Variants in ZNF44 observed in about 807,000 individuals in gnomAD.
ZNF44 encodes the protein gonadotropin inducible transcription repressor-2.
Under a neutral mutation model 11.7 loss-of-function variants are expected in ZNF44, and 9 were observed. The ratio of observed to expected loss-of-function variants is 0.77; its 90% CI spans 0.46 to 1.35. The LOEUF is 1.35. Ranked by LOEUF, ZNF44 falls within the 40% of genes most tolerant of loss-of-function variation. ZNF44 has a pLI of 0.00. For synonymous variants in ZNF44, 224 were observed against 242.7 expected (o/e 0.92, Z 0.72); for missense variants, 696 against 743.1 (o/e 0.94, Z 0.74).
chr19:12,294,222 T>C (rs1444165695), intron 1 of ZNF44, among the ~76,000 whole-genome samples: 1 of 152,060 alleles, frequency 6.6e-6, no homozygotes, highest in Admixed American at 6.6e-5. Flanking sequence ...GATTCACCCC[T>C]CACTTCTCCA....
chr19:12,239,070 C>T (rs997573071), upstream of ZNF44, among the ~76,000 whole-genome samples: 1 of 152,116 alleles, frequency 6.6e-6, no homozygotes, highest in Non-Finnish European at 1.5e-5. Flanking sequence ...AATCATAAAC[C>T]CATTCTCCAG....
chr19:12,274,199 T>A, intron 3 of ZNF44, 136 bp from the exon 4 acceptor site: 1 of 700,616 alleles, frequency 1.4e-6, no homozygotes, highest in East Asian at 2.7e-5. Context: ...ATGGACTGAA[T>A]GTTGTGCAAG....
intron 2 of ZNF44, 125 bp downstream of exon 2, chr19:12,275,831 C>T: frequency 7.8e-7 from 1 of 1,285,994 alleles, no homozygotes; most frequent in South Asian, 1.4e-5. Context: ...GGGCCTGGCA[C>T]TTCACCCTGT....
intron 1 of ZNF44, among the ~76,000 whole-genome samples, chr19:12,276,976 T>C (rs1967254331): frequency 6.6e-6 from 1 of 152,256 alleles, no homozygotes; most frequent in East Asian, 1.9e-4. Context: ...CACTTTGACC[T>C]TACTTGATCT....
intron 1 of ZNF44, among the ~76,000 whole-genome samples, chr19:12,292,490 A>T (rs1261521057): frequency 6.6e-6 from 1 of 152,130 alleles, no homozygotes; most frequent in Non-Finnish European, 1.5e-5. Context: ...AAATCTTTTC[A>T]GGGTAACTAA....
chr19:12,255,091 AACACACACACACACACACACACACACAC>A (rs140940065), intron 5 of ZNF44, among the ~76,000 whole-genome samples: 21,531 of 145,722 alleles, frequency 0.15, 2,073 homozygotes, highest in Admixed American at 0.22. Flanking sequence ...TCCGTCTCAA[AACACACACACACACACACACACACACAC>A]ACACACACAC....
intron 1 of ZNF44, among the ~76,000 whole-genome samples, chr19:12,287,617 T>C (rs1203171554): frequency 6.6e-6 from 1 of 152,356 alleles, no homozygotes. Flanking sequence ...ATTCCATCCA[T>C]ATTGTTGCAA....
rs946918016 is a variant in ZNF44, at chr19:12,260,616, A to G, written c.1913-10248T>C. On this transcript the variant is annotated intron_variant and NMD_transcript_variant, in intron 5 of 7. Transcript: ENST00000393337. The stretch of plus-strand genomic sequence containing the variant: ...CTCATGCCCGCAAAAAACAAAAACA[A>G]AAACAAAAAAACAAAACAAAAACAC... 1.3e-5 allele frequency: 8 copies of G among 618,944 alleles called. No homozygotes were observed. In the African/African-American group the frequency reaches 1.5e-4, roughly 12 times the overall value. The allele number at this position is 618,944 out of a possible 1,614,324, so 38.3% of individuals were successfully genotyped here.
intron 1 of ZNF44, among the ~76,000 whole-genome samples, chr19:12,236,870 G>C (rs1030124580): frequency 6.6e-6 from 1 of 152,156 alleles, no homozygotes; most frequent in Non-Finnish European, 1.5e-5. Context: ...ACTTGACTTA[G>C]AATAAAACGC....
downstream of ZNF44, among the ~76,000 whole-genome samples, chr19:12,269,319 T>C (rs912604369): frequency 3.3e-5 from 5 of 152,072 alleles, no homozygotes; most frequent in African/African-American, 1.2e-4. Flanking sequence ...GGTCAGGAGA[T>C]TGAGACCATC....
intron 1 of ZNF44, chr19:12,291,377 C>T (rs1967999593): frequency 5.1e-6 from 2 of 389,118 alleles, no homozygotes; most frequent in South Asian, 4.0e-5. Flanking sequence ...AAATTTTTCC[C>T]TTGGTAGTAT....
chr19:12,263,962 A>G (rs1259481973), intron 5 of ZNF44, among the ~76,000 whole-genome samples: 1 of 151,010 alleles, frequency 6.6e-6, no homozygotes, highest in Non-Finnish European at 1.5e-5. Context: ...GCATGATAGC[A>G]TGTGCCTGTA....
exon 8 of ZNF44, chr19:12,248,004 A>C: frequency 1.5e-6 from 2 of 1,338,320 alleles, no homozygotes; most frequent in Non-Finnish European, 2.0e-6. Flanking sequence ...ATATACGAAC[A>C]CTTTCCCACA....
At chr19:12,241,913 A>ACATTATG (rs1310990880), upstream of ZNF44, among the ~76,000 whole-genome samples, 1 of 152,172 alleles carries the variant, frequency 6.6e-6, no homozygotes, top group Non-Finnish European at 1.5e-5. Flanking sequence ...AACCTTGAAA[A>ACATTATG]CATTATGCTA....
In ZNF44 at chr19:12,273,423, C is replaced by G; in HGVS notation, c.832G>C (p.Glu278Gln). 4 of 1,614,170 alleles carry G rather than the reference C, an allele frequency of 2.5e-6. No individual in the cohort carries two copies. Among genetic ancestry groups the G allele is most frequent in the Non-Finnish European group, 3.4e-6 (4 of 1,180,034 alleles). Residue 278 changes from glutamate (E) to glutamine (Q), a missense_variant, in exon 4 of 4, where the codon GAG (glutamate) becomes CAG (glutamine). Physicochemically the swap from Glu to Gln is conservative, Grantham distance 29 (BLOSUM62 2). Transcript: ENST00000355684. ...CATTGTTTACATTTGTAGGGTTTCT[C>G]TCCAGTGTGAGTTCTTTCATGTCTT... is the stretch of plus-strand genomic sequence containing the variant. ...YLRHERTHTG[E>Q]KPYKCKQCGK...
Position 12,273,789 on chromosome 19 carries a change from A to C in ZNF44, c.466T>G (p.Phe156Val), listed in dbSNP as rs533830722. ...GTGTGAGGCCTTTCACATGTTTGAA[A>C]GGAGTGGCGATAACTTAAGCCTTTC... ...CGKGLSYRHS[F>V]QTCERPHTGK... Residue 156 changes from phenylalanine (F) to valine (V), a missense_variant, in exon 4 of 4, where the codon TTT (phenylalanine) becomes GTT (valine). Coordinates refer to ENST00000355684, the MANE Select transcript of ZNF44 (RefSeq NM_016264.4). 4.3e-6 allele frequency: 7 copies of C among 1,614,050 alleles called. No individual in the cohort carries two copies. The highest frequency in any genetic ancestry group is 5.9e-6 in the Non-Finnish European group (7 of 1,180,022).
At chr19:12,278,170 T>G (rs981628566) in intron 1 of ZNF44, among the ~76,000 whole-genome samples, 1 of 152,254 alleles carries the variant, frequency 6.6e-6, no homozygotes, top group Non-Finnish European at 1.5e-5. Flanking sequence ...GGTGGAAAAC[T>G]GCTTAAGGCG....
intron 5 of ZNF44, among the ~76,000 whole-genome samples, chr19:12,255,091 AAC>A (rs140940065): frequency 0.11 from 16,537 of 145,424 alleles, 869 homozygotes; most frequent in East Asian, 0.14. Flanking sequence ...TCCGTCTCAA[AAC>A]ACACACACAC....
downstream of ZNF44, among the ~76,000 whole-genome samples, chr19:12,268,017 AAC>A (rs1312154367): frequency 1.3e-5 from 2 of 151,608 alleles, no homozygotes; most frequent in East Asian, 1.9e-4. Context: ...TTGTATTTTT[AAC>A]AGAGACAGGG....
Sources: allele counts gnomAD v4.1 joint callset (sites outside exome capture counted in the v4.1 genomes callset), GRCh38; gene constraint gnomAD v4.1.1; transcripts MANE v1.5; gene names NCBI Gene and HGNC (gene_info 2026-07-23, HGNC 2026-07-21).